Variants in POLE observed in about 807,000 individuals in gnomAD.
POLE encodes DNA polymerase epsilon catalytic subunit A.
POLE carries 188 observed loss-of-function variants against 279.2 expected under a neutral mutation model. The observed-to-expected ratio is 0.67, with a 90% CI of 0.60 to 0.76. The LOEUF (loss-of-function observed/expected upper bound fraction) is 0.76, where lower values mean the gene tolerates loss of function less well. Among genes scored for constraint, POLE ranks in the 30% least tolerant of loss-of-function variants. POLE has a pLI of 0.00. For synonymous variants in POLE, 1,214 were observed against 1,172.5 expected (o/e 1.04, Z -0.72); for missense variants, 2,703 against 3,016.7 (o/e 0.90, Z 2.44).
chr12:132,682,194 T>G (rs1170995207), intron 1 of POLE, among the ~76,000 whole-genome samples: 1 of 151,660 alleles, frequency 6.6e-6, no homozygotes, highest in Non-Finnish European at 1.5e-5. Context: ...CTCAGGAGGC[T>G]GAGGCAGGAG....
chr12:132,633,058 T>G, intron 43 of POLE: 1 of 352,840 alleles, frequency 2.8e-6, no homozygotes, highest in Non-Finnish European at 5.1e-6. Context: ...AGCCTCTCAC[T>G]GGGTAGCGCG....
chr12:132,648,786 C>A, intron 32 of POLE, 143 bp downstream of exon 32: 1 of 879,390 alleles, frequency 1.1e-6, no homozygotes. Context: ...CGGTGCTCAG[C>A]GCTCACACAC....
At position 132,639,102 on chromosome 12, in the gene POLE, G is replaced by A. The variant is rs760061380; in HGVS notation, c.5552+23C>T. ...AGCCCAGCTGAGGACGCGGTGGACA[G>A]CCCAGGGAGGAGGAGCACTCACTGC... On this transcript the variant is annotated intron_variant, in intron 40 of 48. Transcript: ENST00000320574. The surrounding 1 kb of genome is among the most constrained non-coding windows in gnomAD (Gnocchi z 4.7). 4 of 1,611,162 alleles carry A rather than the reference G, an allele frequency of 2.5e-6. No homozygotes were observed. Among genetic ancestry groups the A allele is most frequent in the Non-Finnish European group, 3.4e-6 (4 of 1,177,484 alleles).
In POLE at chr12:132,675,913, T is replaced by C; in HGVS notation, c.1021-93A>G. Reference sequence around the variant, plus strand: ...CCAAAGTTCAGAAGCAGCAGCCTCATGTTGGCCCTTATTCCTGCCCCGCCC... The same window carrying C: ...CCAAAGTTCAGAAGCAGCAGCCTCACGTTGGCCCTTATTCCTGCCCCGCCC... On this transcript the variant is annotated intron_variant, in intron 10 of 48. Coordinates refer to ENST00000320574, the MANE Select transcript of POLE (RefSeq NM_006231.4). This position sits in a 1 kb window ranked among gnomAD's most constrained non-coding sequence, Gnocchi z 4.3. 5 of 1,121,900 alleles carry C rather than the reference T, an allele frequency of 4.5e-6. No individual in the cohort carries two copies. Among genetic ancestry groups the C allele is most frequent in the Non-Finnish European group, 6.7e-6 (5 of 741,322 alleles). The allele number at this position is 1,121,900 out of a possible 1,614,324, so 69.5% of individuals were successfully genotyped here.
chr12:132,639,508 ATTCCT>A lies in POLE; in HGVS notation c.5379-215_5379-211del. Among the ~76,000 whole-genome samples, 1 of 151,782 alleles carries A rather than the reference ATTCCT, an allele frequency of 6.6e-6. No individual in the cohort carries two copies. The highest frequency in any genetic ancestry group is 2.4e-5 in the African/African-American group (1 of 41,308). The stretch of plus-strand genomic sequence containing the variant: ...TGCCTCATCTGTTTCTTCCCATTTC[ATTCCT>A]TAAACTTGTTCAGGCTTCACCGCAT... On this transcript the variant is annotated intron_variant, in intron 39 of 48. Transcript: ENST00000320574. This position sits in a 1 kb window ranked among gnomAD's most constrained non-coding sequence, Gnocchi z 4.7.
intron 46 of POLE, 84 bp from the exon 47 acceptor site, chr12:132,625,854 C>A: frequency 6.5e-7 from 1 of 1,534,804 alleles, no homozygotes; most frequent in Non-Finnish European, 8.8e-7. Flanking sequence ...GAGGAAGGGG[C>A]TGTGAGAAGC....
intron 2 of POLE, 119 bp from the exon 3 acceptor site, chr12:132,680,806 A>T (rs2043150632): frequency 2.6e-6 from 2 of 769,866 alleles, no homozygotes; most frequent in Non-Finnish European, 4.5e-6. Context: ...CTAGGTCTTT[A>T]CTCCACCCCT....
rs758545439 is a variant in POLE, at chr12:132,639,839, C to T, written c.5379-541G>A. 2.0e-5 allele frequency among the ~76,000 whole-genome samples: 3 copies of T among 152,112 alleles called. No individual in the cohort carries two copies. Among genetic ancestry groups the T allele is most frequent in the Admixed American group, 6.6e-5 (1 of 15,266 alleles). On this transcript the variant is annotated intron_variant, in intron 39 of 48. Coordinates refer to ENST00000320574, the MANE Select transcript of POLE (RefSeq NM_006231.4). This position sits in a 1 kb window ranked among gnomAD's most constrained non-coding sequence, Gnocchi z 4.7. ...AGTGCATGCCTGTAATCCTGCTACT[C>T]GGGAGGCTAAGGCAGGAGAATCGCT...
chr12:132,643,808 A>G (rs1287048852), intron 33 of POLE, 29 bp downstream of exon 33: 4 of 1,606,692 alleles, frequency 2.5e-6, no homozygotes, highest in Non-Finnish European at 3.4e-6. Flanking sequence ...AGCCTCCCCC[A>G]GTTCAGTCGA....
In POLE at chr12:132,664,483, G is replaced by A. The variant is rs372074925; in HGVS notation, c.2469-21C>T. On this transcript the variant is annotated intron_variant, in intron 21 of 48. Transcript: ENST00000320574. This position sits in a 1 kb window ranked among gnomAD's most constrained non-coding sequence, Gnocchi z 5.3. Reference sequence around the variant, plus strand: ...GAGCCCTGAGAGGACACCACAAACTGGTGGGTGGGGCTGGCATGGCTCCTC... The same window carrying A: ...GAGCCCTGAGAGGACACCACAAACTAGTGGGTGGGGCTGGCATGGCTCCTC... The A allele has an allele frequency of 1.4e-5, 23 of 1,597,930 alleles. No individual in the cohort carries two copies. Among genetic ancestry groups the A allele is most frequent in the Non-Finnish European group, 1.8e-5 (21 of 1,165,940 alleles).
chr12:132,670,273 G>A (rs11146998), intron 16 of POLE, among the ~76,000 whole-genome samples: 77,036 of 150,732 alleles, frequency 0.51, 20,443 homozygotes, highest in East Asian at 0.7. Flanking sequence ...CTACTCAGGA[G>A]GCTGAGGCAG....
Position 132,657,875 on chromosome 12 carries a change from A to G in POLE, c.3371T>C (p.Ile1124Thr). The G allele has an allele frequency of 1.2e-6, 2 of 1,610,332 alleles. No individual in the cohort carries two copies. The highest frequency in any genetic ancestry group is 1.1e-5 in the South Asian group (1 of 91,010). Residue 1124 changes from isoleucine to threonine, a missense_variant, in exon 27 of 49, where the codon ATT becomes ACT. By Grantham distance (89) the Ile-to-Thr change is moderately conservative. Coordinates refer to ENST00000320574, the MANE Select transcript of POLE (RefSeq NM_006231.4). ...LKSSSLQDFD[I>T]RAILDWDYYI... ...AACGCAACTGGCACTCACTGCTCGA[A>G]TATCAAAGTCTTGAAGGGAAGAGCT...
chr12:132,630,309 A>G (rs1055292816), intron 45 of POLE, among the ~76,000 whole-genome samples: 1 of 152,186 alleles, frequency 6.6e-6, no homozygotes, highest in African/African-American at 2.4e-5. Context: ...GCACAATAAG[A>G]CAGGATATGC....
intron 20 of POLE, among the ~76,000 whole-genome samples, chr12:132,666,892 G>C (rs1411040708): frequency 1.3e-5 from 2 of 152,202 alleles, no homozygotes; most frequent in African/African-American, 2.4e-5. Flanking sequence ...TTATAAAAAA[G>C]AACATGTGAC....
In POLE at chr12:132,648,645, G is replaced by A. The variant is rs897780269; in HGVS notation, c.4149+284C>T. ...AGCTGTTAACAACCAAAGAGCCTAC[G>A]GAGACAGAGTTCACAATCTCTAACC... On this transcript the variant is annotated intron_variant, in intron 32 of 48. Transcript: ENST00000320574. The A allele has an allele frequency of 1.5e-5, 5 of 333,130 alleles. 1 individual carries two copies. Among genetic ancestry groups the A allele is most frequent in the Non-Finnish European group, 2.2e-5 (4 of 182,626 alleles). 20.6% of individuals were successfully genotyped at this position (333,130 alleles called of 1,614,324 possible).
At chr12:132,663,263 G>A in intron 23 of POLE, among the ~76,000 whole-genome samples, 1 of 152,194 alleles carries the variant, frequency 6.6e-6, no homozygotes, top group East Asian at 1.9e-4. Flanking sequence ...CGTATGGGAG[G>A]GGGCACAGGA....
intron 2 of POLE, 28 bp from the exon 3 acceptor site, chr12:132,680,715 C>A: frequency 6.5e-7 from 1 of 1,540,874 alleles, no homozygotes; most frequent in Non-Finnish European, 9.0e-7. Context: ...AACACAGACA[C>A]AAGACCATCC....
chr12:132,667,283 A>G (rs1266678431), intron 20 of POLE, among the ~76,000 whole-genome samples: 3 of 152,220 alleles, frequency 2.0e-5, no homozygotes, highest in Non-Finnish European at 4.4e-5. Flanking sequence ...CACTTTAGAA[A>G]TCATCCTTTA....
rs1338506840 is a variant in POLE, at chr12:132,625,875, G to A, written c.6532-105C>T. ...GGGGCTGTGAGAAGCGCCTGGTGAC[G>A]GGCGAGTCTCCTGAGTGCAGCTGCA... On this transcript the variant is annotated intron_variant, in intron 46 of 48. Coordinates refer to ENST00000320574, the MANE Select transcript of POLE (RefSeq NM_006231.4). 21 of 1,466,550 alleles carry A rather than the reference G, an allele frequency of 1.4e-5. No homozygotes were observed. In the East Asian group the frequency reaches 3.2e-4, roughly 22 times the overall value. 90.8% of individuals were successfully genotyped at this position (1,466,550 alleles called of 1,614,324 possible).
Sources: allele counts gnomAD v4.1 joint callset (sites outside exome capture counted in the v4.1 genomes callset), GRCh38; gene constraint gnomAD v4.1.1; non-coding constraint Gnocchi (gnomAD v3.1); transcripts MANE v1.5; gene names NCBI Gene and HGNC (gene_info 2026-07-23, HGNC 2026-07-21).